Variants in NLRP14 observed in about 807,000 individuals in gnomAD.
NLRP14 encodes the protein NLR family pyrin domain containing 14.
A neutral mutation model predicts 94.7 loss-of-function variants in NLRP14; 105 were observed. The observed-to-expected ratio is 1.11, with a 90% CI of 0.95 to 1.30. NLRP14 has a LOEUF of 1.30. NLRP14 is among the 50% of genes most tolerant of loss of function. NLRP14 has a pLI of 0.00. For missense variants in NLRP14, 1,362 were observed against 1,254.1 expected, an observed-to-expected ratio of 1.09 and a Z score of -1.30; for synonymous variants, 508 against 459.9, an observed-to-expected ratio of 1.10 and a Z score of -1.34.
chr11:7,089,569 G>A, the NLRP14 span: 34 of 1,184,740 alleles, frequency 2.9e-5, no homozygotes, highest in South Asian at 3.5e-5. Context: ...CCCATGAAGC[G>A]TGGGCCGCCG....
the NLRP14 span, among the ~76,000 whole-genome samples, chr11:7,088,625 C>T: frequency 6.6e-6 from 1 of 151,980 alleles, no homozygotes. Context: ...AAAATTTAAA[C>T]TTGTTAACTG....
At chr11:7,089,869 A>G in the NLRP14 span, 2 of 1,612,486 alleles carry the variant, frequency 1.2e-6, no homozygotes, top group Non-Finnish European at 1.7e-6. Flanking sequence ...AGTGTCCGGG[A>G]CGACTGTCCC....
chr11:7,088,841 G>C, the NLRP14 span, among the ~76,000 whole-genome samples: 1 of 152,210 alleles, frequency 6.6e-6, no homozygotes, highest in East Asian at 1.9e-4. Flanking sequence ...GGCCATTGAA[G>C]CCGTTAAGAC....
chr11:7,030,930 T>A (rs922971715), intron 1 of NLRP14, among the ~76,000 whole-genome samples: 3 of 152,140 alleles, frequency 2.0e-5, no homozygotes, highest in African/African-American at 7.2e-5. Context: ...CTGCGGTAAA[T>A]GAGTGGAAGA....
At chr11:7,071,951 G>A (rs1852806973), downstream of NLRP14, among the ~76,000 whole-genome samples, 1 of 152,158 alleles carries the variant, frequency 6.6e-6, no homozygotes, top group Non-Finnish European at 1.5e-5. Flanking sequence ...AAGATAAGGA[G>A]GATTAATTTC....
At chr11:7,029,003 G>A (rs1039618177) in intron 1 of NLRP14, among the ~76,000 whole-genome samples, 2 of 152,044 alleles carry the variant, frequency 1.3e-5, no homozygotes, top group African/African-American at 4.8e-5. Context: ...ACTTGTATTT[G>A]TGTGTGTGAC....
the NLRP14 span, among the ~76,000 whole-genome samples, chr11:7,080,374 G>T: frequency 2.6e-5 from 4 of 152,106 alleles, no homozygotes; most frequent in Non-Finnish European, 4.4e-5. Context: ...CCAACTTGGG[G>T]GTTCCTACGA....
downstream of NLRP14, among the ~76,000 whole-genome samples, chr11:7,074,899 A>G (rs1365859075): frequency 6.6e-6 from 1 of 152,250 alleles, no homozygotes; most frequent in African/African-American, 2.4e-5. Context: ...TCTACATTTT[A>G]TATAAGGTGA....
intron 1 of NLRP14, among the ~76,000 whole-genome samples, chr11:7,029,150 G>C (rs1263329205): frequency 6.6e-6 from 1 of 152,154 alleles, no homozygotes; most frequent in Non-Finnish European, 1.5e-5. Flanking sequence ...CTATAAGGAA[G>C]TCTCTCAAAC....
chr11:7,040,274 C>T (rs1033801650), intron 3 of NLRP14, among the ~76,000 whole-genome samples: 2 of 152,180 alleles, frequency 1.3e-5, no homozygotes, highest in East Asian at 1.9e-4. Context: ...GGAATCAGGT[C>T]GCATAGCAGG....
rs1852292971 is a variant in NLRP14, at chr11:7,043,227, A to G, written c.1201A>G (p.Thr401Ala). The stretch of plus-strand genomic sequence containing the variant: ...CTGCCAAACAACCACAGCTCTGTTT[A>G]CCTGCTATATTTCTAGCTTGTTCAC... The part of the protein sequence containing the change: ...LTCQTTTALF[T>A]CYISSLFTPV... The change falls in exon 4 of 12, where the codon ACC (threonine) becomes GCC (alanine). Residue 401 changes from threonine (T) to alanine (A), a missense_variant. Thr to Ala is a moderately conservative substitution (Grantham distance 58). Transcript: ENST00000299481. 2 of 1,614,086 alleles carry G rather than the reference A, an allele frequency of 1.2e-6. No individual in the cohort carries two copies. The highest frequency in any genetic ancestry group is 1.7e-6 in the Non-Finnish European group (2 of 1,180,038).
chr11:7,082,989 T>C, the NLRP14 span, among the ~76,000 whole-genome samples: 2 of 152,246 alleles, frequency 1.3e-5, no homozygotes, highest in Non-Finnish European at 2.9e-5. Flanking sequence ...CATCACTGCC[T>C]TCAGCACTTG....
the NLRP14 span, among the ~76,000 whole-genome samples, chr11:7,080,610 T>C: frequency 6.6e-6 from 1 of 152,162 alleles, no homozygotes; most frequent in Non-Finnish European, 1.5e-5. Context: ...GCCAGAGCTA[T>C]GGTCACACAG....
chr11:7,090,296 C>T, the NLRP14 span: 1 of 1,594,722 alleles, frequency 6.3e-7, no homozygotes, highest in Non-Finnish European at 8.5e-7. Flanking sequence ...GGAGCAGATA[C>T]TAAGCAGGAA....
At chr11:7,063,089 G>T (rs1363089387) in intron 10 of NLRP14, among the ~76,000 whole-genome samples, 4 of 152,086 alleles carry the variant, frequency 2.6e-5, no homozygotes, top group Non-Finnish European at 4.4e-5. Flanking sequence ...GTCTTCCAGA[G>T]AAATCTCCCC....
Position 7,058,463 on chromosome 11 carries a change from A to C in NLRP14, c.2633+13A>C, listed in dbSNP as rs1589869672. On this transcript the variant is annotated intron_variant, in intron 8 of 11. Transcript: ENST00000299481. ...TGAAGAGCCTTGTGTAAGTGTCTTCAAGTTTTTATCCTTAATATATATTGT... is the reference window on the plus strand; with the variant it reads ...TGAAGAGCCTTGTGTAAGTGTCTTCCAGTTTTTATCCTTAATATATATTGT... 6.3e-7 allele frequency: 1 copy of C among 1,584,662 alleles called. No homozygotes were observed. The highest frequency in any genetic ancestry group is 8.7e-7 in the Non-Finnish European group (1 of 1,153,534).
the NLRP14 span, among the ~76,000 whole-genome samples, chr11:7,076,847 A>C: frequency 6.6e-6 from 1 of 152,218 alleles, no homozygotes; most frequent in South Asian, 2.1e-4. Context: ...CATGTGGGCT[A>C]TGATTCAAGA....
At chr11:7,049,066 G>A (rs776717616) in intron 5 of NLRP14, among the ~76,000 whole-genome samples, 5 of 152,142 alleles carry the variant, frequency 3.3e-5, no homozygotes, top group Non-Finnish European at 5.9e-5. Context: ...GTTACAAAGC[G>A]AGGTTTTGGA....
chr11:7,073,101 T>TCC (rs964245819), downstream of NLRP14, among the ~76,000 whole-genome samples: 2 of 152,162 alleles, frequency 1.3e-5, no homozygotes, highest in African/African-American at 2.4e-5. Flanking sequence ...TTCTGCAGTG[T>TCC]GGGGATTCAG....
Sources: allele counts gnomAD v4.1 joint callset (sites outside exome capture counted in the v4.1 genomes callset), GRCh38; gene constraint gnomAD v4.1.1; transcripts MANE v1.5; gene names NCBI Gene and HGNC (gene_info 2026-07-23, HGNC 2026-07-21).